The following ZNF782 variants were observed in gnomAD, a reference collection of about 807,000 sequenced individuals.
ZNF782 encodes the protein zinc finger protein 782.
In ZNF782, 12 loss-of-function variants were observed where a neutral mutation model predicts 13.0. That is an observed-to-expected ratio of 0.92 (90% confidence interval 0.59 to 1.50). The LOEUF is 1.50. Ranked by LOEUF, ZNF782 falls within the 40% of genes most tolerant of loss-of-function variation. The probability of loss-of-function intolerance (pLI) is 0.00; values close to 1 mark genes in which losing one functional copy is unlikely to be tolerated. For synonymous variants in ZNF782, 284 were observed against 283.0 expected (o/e 1.00, Z -0.04); for missense variants, 770 against 822.9 (o/e 0.94, Z 0.79).
chr9:96,880,871 TAA>T, the ZNF782 span, among the ~76,000 whole-genome samples: 1 of 152,314 alleles, frequency 6.6e-6, no homozygotes, highest in African/African-American at 2.4e-5. Flanking sequence ...ATTTCATCTT[TAA>T]AAGTTTGGTA....
At chr9:96,839,896 C>A (rs1397048745) in intron 4 of ZNF782, among the ~76,000 whole-genome samples, 1 of 152,106 alleles carries the variant, frequency 6.6e-6, no homozygotes, top group Admixed American at 6.5e-5. Flanking sequence ...AGAAGTAACA[C>A]ACTTTTAGCC....
At chr9:96,823,279 A>C (rs1211067732) in intron 5 of ZNF782, among the ~76,000 whole-genome samples, 1 of 152,176 alleles carries the variant, frequency 6.6e-6, no homozygotes, top group Non-Finnish European at 1.5e-5. Flanking sequence ...CTGTGTCCTC[A>C]TTTGCTGAGC....
intron 1 of ZNF782, among the ~76,000 whole-genome samples, chr9:96,862,399 G>A (rs1263094197): frequency 2.0e-5 from 3 of 152,166 alleles, no homozygotes; most frequent in Admixed American, 6.6e-5. Context: ...TAAAACAAAG[G>A]ATAAATGCTT....
At chr9:96,913,212 G>C in the ZNF782 span, among the ~76,000 whole-genome samples, 1 of 152,174 alleles carries the variant, frequency 6.6e-6, no homozygotes, top group Non-Finnish European at 1.5e-5. Flanking sequence ...CTACTTGGGA[G>C]GCTGAGGCAG....
intron 3 of ZNF782, among the ~76,000 whole-genome samples, chr9:96,847,394 G>A (rs1366470938): frequency 6.6e-6 from 1 of 152,018 alleles, no homozygotes; most frequent in Non-Finnish European, 1.5e-5. Flanking sequence ...GCTGGTTCCT[G>A]AAAAGCTAAA....
the ZNF782 span, among the ~76,000 whole-genome samples, chr9:96,911,178 G>C: frequency 6.9e-6 from 1 of 145,220 alleles, no homozygotes; most frequent in Non-Finnish European, 1.5e-5. Context: ...GGTGGCTCAC[G>C]CCTGTAATCC....
chr9:96,917,945 T>TGTGTGTGTGTGTGTGTGTGTGTGTGTGTG, the ZNF782 span, among the ~76,000 whole-genome samples: 5 of 149,256 alleles, frequency 3.3e-5, no homozygotes, highest in African/African-American at 1.3e-4. Flanking sequence ...GGGGTCTGTG[T>TGTGTGTGTGTGTGTGTGTGTGTGTGTGTG]TGCCCAGGCT....
chr9:96,908,418 C>T, the ZNF782 span, among the ~76,000 whole-genome samples: 1 of 152,272 alleles, frequency 6.6e-6, no homozygotes, highest in Non-Finnish European at 1.5e-5. Flanking sequence ...CTTTCTTCAC[C>T]CATTGCAGCC....
the ZNF782 span, chr9:96,891,817 T>C: frequency 6.6e-6 from 1 of 152,218 alleles, no homozygotes; most frequent in African/African-American, 2.4e-5. Context: ...ATGCTGGCAT[T>C]ACAGGCGTGA....
At chr9:96,910,262 G>C in the ZNF782 span, 1 of 609,118 alleles carries the variant, frequency 1.6e-6, no homozygotes, top group Non-Finnish European at 3.2e-6. Flanking sequence ...TGGGGAGGAA[G>C]AGGAGGAGGA....
upstream of ZNF782, among the ~76,000 whole-genome samples, chr9:96,876,797 G>A (rs1851896710): frequency 6.6e-6 from 1 of 151,930 alleles, no homozygotes. Context: ...CCTGAGTTCA[G>A]AAGTTCGCGA....
chr9:96,893,948 G>C, the ZNF782 span: 1 of 139,184 alleles, frequency 7.2e-6, no homozygotes, highest in East Asian at 2.0e-4. Flanking sequence ...TGCAGTGAGC[G>C]GAGATCGCGC....
At chr9:96,909,912 A>G in the ZNF782 span, among the ~76,000 whole-genome samples, 2 of 151,108 alleles carry the variant, frequency 1.3e-5, no homozygotes, top group African/African-American at 4.9e-5. Flanking sequence ...TAGTTTCAAG[A>G]TCCCGATTGG....
At chr9:96,832,111 T>C (rs1354658959) in intron 4 of ZNF782, among the ~76,000 whole-genome samples, 1 of 152,180 alleles carries the variant, frequency 6.6e-6, no homozygotes, top group Non-Finnish European at 1.5e-5. Flanking sequence ...TTTACTTATC[T>C]ATTTTTCTGT....
chr9:96,819,764 C>T lies in ZNF782; in HGVS notation c.259G>A (p.Asp87Asn). Residue 87 changes from aspartate to asparagine, a missense_variant, in exon 6 of 6, where the codon GAT becomes AAT. By Grantham distance (23) the Asp-to-Asn change is conservative. Transcript: ENST00000481138. Reference protein sequence around the residue: ...SRNSPEDSQPDEISEKSPENQ... With the variant: ...SRNSPEDSQPNEISEKSPENQ... ...TCTGGGCTCTTCTCTGAGATTTCATCAGGTTGGGAGTCTTCTAAAAATGAT... is the reference window on the plus strand; with the variant it reads ...TCTGGGCTCTTCTCTGAGATTTCATTAGGTTGGGAGTCTTCTAAAAATGAT... 1.2e-6 allele frequency: 2 copies of T among 1,601,812 alleles called. No homozygotes were observed. The highest frequency in any genetic ancestry group is 2.3e-5 in the South Asian group (2 of 88,382).
chr9:96,835,903 T>A (rs980839893), intron 4 of ZNF782, among the ~76,000 whole-genome samples: 13 of 152,306 alleles, frequency 8.5e-5, no homozygotes, highest in African/African-American at 2.9e-4. Flanking sequence ...CAATGCCTAG[T>A]GGAGCTTCAG....
At position 96,864,024 on chromosome 9, in the gene ZNF782, C is replaced by A. The variant is rs189461444; in HGVS notation, c.-456-2421G>T. On this transcript the variant is annotated intron_variant, in intron 1 of 5. Transcript: ENST00000498811. ...AAAACTATTGAAATAAAATTAAAAACCATTATTGGTAAACAAATATATATA... is the reference window on the plus strand; with the variant it reads ...AAAACTATTGAAATAAAATTAAAAAACATTATTGGTAAACAAATATATATA... 1.3e-3 allele frequency among the ~76,000 whole-genome samples: 196 copies of A among 151,496 alleles called. 2 individuals are homozygous for A. The highest frequency in any genetic ancestry group is 0.012 in the Admixed American group (184 of 15,202).
chr9:96,871,840 T>C (rs1851832615), intron 1 of ZNF782, among the ~76,000 whole-genome samples: 1 of 152,232 alleles, frequency 6.6e-6, no homozygotes. Context: ...CCTTTTGGAA[T>C]TGTTGTATTT....
chr9:96,821,277 A>G (rs1468521680), intron 5 of ZNF782, among the ~76,000 whole-genome samples: 1 of 152,202 alleles, frequency 6.6e-6, no homozygotes, highest in African/African-American at 2.4e-5. Flanking sequence ...TTTCTGCTCT[A>G]GTCTTGACAG....
Sources: allele counts gnomAD v4.1 joint callset (sites outside exome capture counted in the v4.1 genomes callset), GRCh38; gene constraint gnomAD v4.1.1; transcripts MANE v1.5; gene names NCBI Gene and HGNC (gene_info 2026-07-23, HGNC 2026-07-21).